CRYBG2: variants seen among roughly 807,000 people sequenced by gnomAD.
CRYBG2 encodes the protein crystallin beta-gamma domain containing 2.
In CRYBG2, 106 loss-of-function variants were observed where a neutral mutation model predicts 153.4. That is an observed-to-expected ratio of 0.69 (90% CI 0.59 to 0.81). The LOEUF is 0.81. Ranked by LOEUF, CRYBG2 falls within the 30% of genes least tolerant of loss-of-function variation. The probability of loss-of-function intolerance (pLI) is 0.00; values close to 1 mark genes in which losing one functional copy is unlikely to be tolerated. For missense variants in CRYBG2, 1,996 were observed against 2,112.0 expected, an observed-to-expected ratio of 0.95 and a Z score of 1.08; for synonymous variants, 851 against 877.8, an observed-to-expected ratio of 0.97 and a Z score of 0.54.
intron 1 of CRYBG2, among the ~76,000 whole-genome samples, chr1:26,347,982 TTGCCCAGGTTGAAG>T (rs2074246033): frequency 6.6e-6 from 1 of 152,198 alleles, no homozygotes; most frequent in African/African-American, 2.4e-5. Flanking sequence ...TCTTGCTCTG[TTGCCCAGGTTGAAG>T]TGCAGTAGCT....
At chr1:26,338,182 T>C in intron 7 of CRYBG2, 135 bp from the exon 8 acceptor site, 1 of 1,408,924 alleles carries the variant, frequency 7.1e-7, no homozygotes, top group Non-Finnish European at 9.6e-7. Context: ...GGTTAATCCC[T>C]ACCTCTCCTC....
intron 18 of CRYBG2, among the ~76,000 whole-genome samples, chr1:26,322,640 T>C (rs1462568808): frequency 6.6e-6 from 1 of 152,214 alleles, no homozygotes; most frequent in Admixed American, 6.5e-5. Context: ...CTGTGTGACT[T>C]TCAGCAAATT....
intron 5 of CRYBG2, 42 bp downstream of exon 5, chr1:26,342,712 C>A: frequency 6.2e-7 from 1 of 1,602,068 alleles, no homozygotes; most frequent in Non-Finnish European, 8.5e-7. Context: ...GGGATTTCAA[C>A]TCTAGGCACT....
chr1:26,323,018 G>A (rs1313614037), intron 18 of CRYBG2, among the ~76,000 whole-genome samples: 2 of 151,768 alleles, frequency 1.3e-5, no homozygotes, highest in African/African-American at 2.4e-5. Context: ...TATCTGCATG[G>A]CTGCCTCCCT....
rs774463728 is a variant in CRYBG2 at position 26,342,736 on chromosome 1, C to G, written c.3204+18G>C. The G allele has an allele frequency of 1.9e-6, 3 of 1,610,746 alleles. No homozygotes were observed. In the South Asian group the frequency reaches 3.3e-5, roughly 18 times the overall value. On this transcript the variant is annotated intron_variant, in intron 5 of 19. Coordinates refer to ENST00000308182, the MANE Select transcript of CRYBG2 (RefSeq NM_001039775.4). ...ACTCTAGGCACTCGAGGCCGTCTCC[C>G]ACCTCCAACTCACTCACCCAGACAA...
chr1:26,329,469 C>G (rs1224284839), intron 15 of CRYBG2, among the ~76,000 whole-genome samples: 1 of 144,158 alleles, frequency 6.9e-6, no homozygotes, highest in Non-Finnish European at 1.5e-5. Context: ...AGCCACCATG[C>G]GCAGCTTAGA....
chr1:26,336,134 G>A lies in CRYBG2; in HGVS notation c.4145C>T (p.Ala1382Val), dbSNP rs1224573018. The A allele has an allele frequency of 6.6e-7, 1 of 1,526,518 alleles. No individual in the cohort carries two copies. The allele number at this position is 1,526,518 out of a possible 1,614,324, so 94.6% of individuals were successfully genotyped here. ...SFEDDQAALP[A>V]SFRPQSCRVH... ...CCGGCAGGACTGAGGTCGGAAGGAG[G>A]CGGGCAGAGCGGCCTGGTCATCTTC... Residue 1382 changes from alanine to valine, a missense_variant, in exon 14 of 20, where the codon GCC (alanine) becomes GTC (valine). Physicochemically the swap from Ala to Val is moderately conservative, Grantham distance 64 (BLOSUM62 0). Coordinates refer to ENST00000308182, the MANE Select transcript of CRYBG2 (RefSeq NM_001039775.4). This position sits in a 1 kb window ranked among gnomAD's most constrained non-coding sequence, Gnocchi z 4.9.
intron 1 of CRYBG2, among the ~76,000 whole-genome samples, chr1:26,347,646 C>T (rs1011488055): frequency 2.6e-5 from 4 of 151,936 alleles, no homozygotes; most frequent in Admixed American, 6.6e-5. Flanking sequence ...CCCTCCACCA[C>T]GCCCAGATAA....
Position 26,337,271 on chromosome 1 carries a change from G to A in CRYBG2, c.3753C>T (p.Ser1251=). The A allele has an allele frequency of 6.2e-7, 1 of 1,614,104 alleles. No individual in the cohort carries two copies. Residue 1251 remains serine, a synonymous_variant, in exon 10 of 20, where the codon TCC becomes TCT. Coordinates refer to ENST00000308182, the MANE Select transcript of CRYBG2 (RefSeq NM_001039775.4). ...TGCTTACCGTCCGGATGACCCGGAGGGAGGTCAGCAACTCGTCATAGCCTC... is the reference window on the plus strand; with the variant it reads ...TGCTTACCGTCCGGATGACCCGGAGAGAGGTCAGCAACTCGTCATAGCCTC... The part of the protein sequence containing the change: ...HWGGYDELLT[S]LRVIRTDFGD...
intron 14 of CRYBG2, 123 bp from the exon 15 acceptor site, chr1:26,331,741 G>C: frequency 7.6e-7 from 1 of 1,321,000 alleles, no homozygotes; most frequent in African/African-American, 1.4e-5. Context: ...GGGGAGGTGG[G>C]ATGAACAGGC....
Position 26,338,362 on chromosome 1 carries a change from G to A in CRYBG2, c.3460C>T (p.Pro1154Ser), listed in dbSNP as rs752094187. 1.2e-6 allele frequency: 2 copies of A among 1,605,628 alleles called. No homozygotes were observed. The highest frequency in any genetic ancestry group is 4.5e-5 in the East Asian group (2 of 44,826). Residue 1154 changes from proline to serine, a missense_variant, in exon 7 of 20, where the codon CCC becomes TCC. Pro to Ser is a moderately conservative substitution (Grantham distance 74, BLOSUM62 -1). Coordinates refer to ENST00000308182, the MANE Select transcript of CRYBG2 (RefSeq NM_001039775.4). ...GCCCTGTTCTTTACCAATCTCATGGGCTTCAGGGAGCCCACGCTGGGGTCC... is the reference window on the plus strand; with the variant it reads ...GCCCTGTTCTTTACCAATCTCATGGACTTCAGGGAGCCCACGCTGGGGTCC... ...TSDPSVGSLKPMRLGCPSVEK... is the reference protein window; with the variant it reads ...TSDPSVGSLKSMRLGCPSVEK...
rs554803698 is a variant in CRYBG2, at chr1:26,336,253, G to A, written c.4072-46C>T. 10 of 1,589,172 alleles carry A rather than the reference G, an allele frequency of 6.3e-6. No individual in the cohort carries two copies. The South Asian group carries it at 6.8e-5, about 11-fold the overall frequency. On this transcript the variant is annotated intron_variant, in intron 13 of 19. Coordinates refer to ENST00000308182, the MANE Select transcript of CRYBG2 (RefSeq NM_001039775.4). The surrounding 1 kb of genome is among the most constrained non-coding windows in gnomAD (Gnocchi z 4.9). Reference sequence around the variant, plus strand: ...TGAGGGGAAGGAGGACGATGGAGTGGGGCCGAGAACAGCGGGGAGGGGAAA... The same window carrying A: ...TGAGGGGAAGGAGGACGATGGAGTGAGGCCGAGAACAGCGGGGAGGGGAAA...
At chr1:26,335,392 G>C (rs1008763664) in intron 14 of CRYBG2, among the ~76,000 whole-genome samples, 1 of 152,130 alleles carries the variant, frequency 6.6e-6, no homozygotes, top group Non-Finnish European at 1.5e-5. Context: ...CAGGAGAATC[G>C]CTTGAACCTG....
At position 26,331,605 on chromosome 1, in the gene CRYBG2, C is replaced by G; in HGVS notation, c.4198G>C (p.Asp1400His). The part of the protein sequence containing the change: ...RVHGGSWILF[D>H]ETNFEGDQHI... ...TGGTCACCCTCGAAGTTCGTCTCATCAAACAGGATCCAGCTAGGGAAGGGG... is the reference window on the plus strand; with the variant it reads ...TGGTCACCCTCGAAGTTCGTCTCATGAAACAGGATCCAGCTAGGGAAGGGG... Residue 1400 changes from aspartate to histidine, a missense_variant, in exon 15 of 20, where the codon GAT (aspartate) becomes CAT (histidine). By Grantham distance (81) the Asp-to-His change is moderately conservative. Transcript: ENST00000308182. 2 of 1,613,976 alleles carry G rather than the reference C, an allele frequency of 1.2e-6. No homozygotes were observed. The highest frequency in any genetic ancestry group is 4.5e-5 in the East Asian group (2 of 44,886).
chr1:26,325,449 A>G lies in CRYBG2; in HGVS notation c.4579-1139T>C, dbSNP rs2073911829. ...GTGGCACACGCCTGTAATCACAGCT[A>G]CTCGGGAGGCTGAGGCAGGAGAATC... On this transcript the variant is annotated intron_variant, in intron 17 of 19. Transcript: ENST00000308182. The surrounding 1 kb of genome is among the most constrained non-coding windows in gnomAD (Gnocchi z 4.1). Among the ~76,000 whole-genome samples the G allele has an allele frequency of 6.6e-6, 1 of 152,092 alleles. No homozygotes were observed. Among genetic ancestry groups the G allele is most frequent in the Non-Finnish European group, 1.5e-5 (1 of 68,028 alleles).
Position 26,339,373 on chromosome 1 carries a change from T to C in CRYBG2, c.3261A>G (p.Gln1087=), listed in dbSNP as rs1351484957. The C allele has an allele frequency of 6.2e-7, 1 of 1,614,216 alleles. No individual in the cohort carries two copies. The highest frequency in any genetic ancestry group is 2.2e-5 in the East Asian group (1 of 44,884). The change falls in exon 6 of 20, where the codon CAA becomes CAG. Residue 1087 remains glutamine (Q), a synonymous_variant. Transcript: ENST00000308182. The part of the protein sequence containing the change: ...LFSEEGLKGE[Q]VKLTEALKNS... ...TCTTCAAGGCCTCTGTTAGCTTCAC[T>C]TGCTCCCCCTTGAGGCCCTCCTCAG... is the stretch of plus-strand genomic sequence containing the variant.
chr1:26,348,631 C>T (rs1247746713), intron 1 of CRYBG2, among the ~76,000 whole-genome samples: 1 of 152,096 alleles, frequency 6.6e-6, no homozygotes, highest in Non-Finnish European at 1.5e-5. Context: ...TCTCAGCCTA[C>T]TGCAACCTCC....
intron 5 of CRYBG2, among the ~76,000 whole-genome samples, chr1:26,340,690 GA>G (rs2074117972): frequency 6.6e-6 from 1 of 152,002 alleles, no homozygotes; most frequent in Non-Finnish European, 1.5e-5. Flanking sequence ...TTGGCTCACC[GA>G]AACCTCTGCC....
Position 26,321,866 on chromosome 1 carries a change from A to C in CRYBG2, c.*102T>G. On this transcript the variant is annotated 3_prime_UTR_variant, in exon 20 of 20. Transcript: ENST00000308182. ...TATCAAGGTGCACAGAGACAAGGGT[A>C]CCTGGCAGCATATTAGAAAATAGCT... The C allele has an allele frequency of 9.8e-7, 1 of 1,016,264 alleles. No homozygotes were observed. Among genetic ancestry groups the C allele is most frequent in the Non-Finnish European group, 1.4e-6 (1 of 713,694 alleles). The allele number at this position is 1,016,264 out of a possible 1,614,324, so 63.0% of individuals were successfully genotyped here.
Sources: gnomAD v4.1 joint callset for allele counts (sites outside exome capture counted in the v4.1 genomes callset) on GRCh38, gnomAD v4.1.1 for gene constraint, Gnocchi (gnomAD v3.1) non-coding constraint, MANE v1.5 for transcripts, NCBI Gene and HGNC (gene_info 2026-07-23, HGNC 2026-07-21) for gene names.